Variants in TMEM132D observed in about 807,000 individuals in gnomAD.
TMEM132D encodes the protein mature OL transmembrane protein.
TMEM132D carries 21 observed loss-of-function variants against 62.3 expected under a neutral mutation model. The observed-to-expected ratio is 0.34, with a 90% CI of 0.24 to 0.49. The LOEUF is 0.49. Among genes scored for constraint, TMEM132D ranks in the 20% least tolerant of loss-of-function variants. The pLI, the probability that TMEM132D is intolerant of heterozygous loss-of-function variation, is 0.99. For synonymous variants in TMEM132D, 621 were observed against 575.6 expected, an observed-to-expected ratio of 1.08 and a Z score of -1.13; for missense variants, 1,346 against 1,402.8, an observed-to-expected ratio of 0.96 and a Z score of 0.65.
At chr12:129,358,638 A>G (rs1870151526) in intron 3 of TMEM132D, among the ~76,000 whole-genome samples, 1 of 152,192 alleles carries the variant, frequency 6.6e-6, no homozygotes, top group South Asian at 2.1e-4. Flanking sequence ...AACCAACATA[A>G]ATTGGCAACT....
intron 1 of TMEM132D, among the ~76,000 whole-genome samples, chr12:129,760,537 G>A (rs1485092993): frequency 1.3e-5 from 2 of 150,046 alleles, no homozygotes; most frequent in African/African-American, 4.9e-5. Flanking sequence ...TTTTAGCAGA[G>A]ATGGGGTATC....
rs373719950 is a variant in TMEM132D at position 129,607,718 on chromosome 12, A to C, written c.969-76513T>G. On this transcript the variant is annotated intron_variant, in intron 2 of 8. Transcript: ENST00000422113. ...TGACCGACTACAGGATGAATAGATG[A>C]ACAGAGACCAATTCCAAAATGAAGA... Among the ~76,000 whole-genome samples the C allele has an allele frequency of 2.1e-3, 326 of 152,302 alleles. 11 individuals are homozygous for C. In the South Asian group the frequency reaches 0.065, roughly 31 times the overall value.
intron 4 of TMEM132D, among the ~76,000 whole-genome samples, chr12:129,231,503 G>C (rs1282045003): frequency 1.3e-5 from 2 of 152,202 alleles, no homozygotes; most frequent in Non-Finnish European, 2.9e-5. Flanking sequence ...ATTTCCTCTA[G>C]TTCAGAGCAA....
intron 5 of TMEM132D, among the ~76,000 whole-genome samples, chr12:129,191,292 GACAC>G (rs56128227): frequency 0.017 from 2,415 of 145,180 alleles, 59 homozygotes; most frequent in African/African-American, 0.056. Flanking sequence ...AGGGAAATAG[GACAC>G]ACACACACAC....
chr12:129,515,232 C>A (rs1175355526), intron 3 of TMEM132D, among the ~76,000 whole-genome samples: 1 of 152,194 alleles, frequency 6.6e-6, no homozygotes, highest in African/African-American at 2.4e-5. Flanking sequence ...AATCGAAACG[C>A]TGTGTCTTGT....
intron 5 of TMEM132D, among the ~76,000 whole-genome samples, chr12:129,093,408 A>T (rs1874995909): frequency 6.6e-6 from 1 of 152,122 alleles, no homozygotes; most frequent in South Asian, 2.1e-4. Flanking sequence ...ACAGAGAGCC[A>T]AATCATGAGT....
intron 2 of TMEM132D, among the ~76,000 whole-genome samples, chr12:129,684,486 C>T (rs1456850946): frequency 2.0e-5 from 3 of 152,000 alleles, no homozygotes; most frequent in African/African-American, 7.3e-5. Flanking sequence ...ATAAATTACC[C>T]TGTCTCAGGT....
At chr12:129,678,413 A>G (rs911605396) in intron 2 of TMEM132D, among the ~76,000 whole-genome samples, 1 of 152,102 alleles carries the variant, frequency 6.6e-6, no homozygotes, top group Non-Finnish European at 1.5e-5. Context: ...GATGCAGTAC[A>G]TTTTTATATA....
chr12:129,863,742 A>G (rs1873972134), intron 1 of TMEM132D, among the ~76,000 whole-genome samples: 1 of 152,202 alleles, frequency 6.6e-6, no homozygotes. Flanking sequence ...AATACATGAA[A>G]TGCTAGCATC....
chr12:129,545,632 G>A (rs139609224), intron 2 of TMEM132D, among the ~76,000 whole-genome samples: 1 of 152,040 alleles, frequency 6.6e-6, no homozygotes, highest in African/African-American at 2.4e-5. Context: ...CCCACTCCCT[G>A]CCTCTGGCAA....
At chr12:129,693,741 G>A (rs264485) in intron 2 of TMEM132D, among the ~76,000 whole-genome samples, 34,443 of 152,116 alleles carry the variant, frequency 0.23, 4,189 homozygotes, top group Middle Eastern at 0.28. Flanking sequence ...TGCGTATTTT[G>A]ACTTTCCCTG....
At chr12:129,581,929 T>A (rs145706416) in intron 2 of TMEM132D, among the ~76,000 whole-genome samples, 2 of 152,266 alleles carry the variant, frequency 1.3e-5, no homozygotes, top group Non-Finnish European at 2.9e-5. Flanking sequence ...AAAAACAGAC[T>A]TCGTTTGAAC....
intron 2 of TMEM132D, among the ~76,000 whole-genome samples, chr12:129,579,232 GA>G (rs1228452772): frequency 3.9e-5 from 6 of 152,216 alleles, no homozygotes; most frequent in Non-Finnish European, 8.8e-5. Context: ...ATTGCCACAA[GA>G]GAAAGTTGAA....
chr12:129,274,811 C>G (rs1279180266), intron 4 of TMEM132D, among the ~76,000 whole-genome samples: 1 of 152,080 alleles, frequency 6.6e-6, no homozygotes, highest in African/African-American at 2.4e-5. Context: ...GGCGTGAACC[C>G]GGGAGGCGGA....
chr12:129,555,265 C>T (rs1412885301), intron 2 of TMEM132D, among the ~76,000 whole-genome samples: 1 of 152,192 alleles, frequency 6.6e-6, no homozygotes, highest in East Asian at 1.9e-4. Flanking sequence ...TGGAAATGTA[C>T]TTAGCCTACA....
At chr12:129,790,627 G>T (rs1479721912) in intron 1 of TMEM132D, among the ~76,000 whole-genome samples, 1 of 152,136 alleles carries the variant, frequency 6.6e-6, no homozygotes, top group African/African-American at 2.4e-5. Context: ...ACAGGATGGG[G>T]GGGCAGGGCA....
intron 3 of TMEM132D, among the ~76,000 whole-genome samples, chr12:129,443,001 T>C (rs1872984708): frequency 6.6e-6 from 1 of 152,092 alleles, no homozygotes; most frequent in Non-Finnish European, 1.5e-5. Context: ...CATCCTCCAG[T>C]GACTCCTCAG....
intron 3 of TMEM132D, among the ~76,000 whole-genome samples, chr12:129,374,232 C>A (rs1357347141): frequency 6.8e-6 from 1 of 147,352 alleles, no homozygotes; most frequent in Non-Finnish European, 1.5e-5. Context: ...GCTCTCCTGG[C>A]TTGAAGGCAG....
intron 2 of TMEM132D, among the ~76,000 whole-genome samples, chr12:129,667,860 T>G (rs1565942656): frequency 6.6e-6 from 1 of 152,012 alleles, no homozygotes; most frequent in Non-Finnish European, 1.5e-5. Context: ...CTAATACGAC[T>G]TAGTCTATGT....
Sources: gnomAD v4.1 joint callset for allele counts (sites outside exome capture counted in the v4.1 genomes callset) on GRCh38, gnomAD v4.1.1 for gene constraint, MANE v1.5 for transcripts, NCBI Gene and HGNC (gene_info 2026-07-23, HGNC 2026-07-21) for gene names.